The following MYRF variants were observed in gnomAD, a reference collection of about 807,000 sequenced individuals.
The protein encoded by MYRF is myelin gene regulatory factor.
In MYRF, 16 loss-of-function variants were observed where a neutral mutation model predicts 126.3. The ratio of observed to expected loss-of-function variants is 0.13; its 90% CI spans 0.09 to 0.19. The LOEUF (loss-of-function observed/expected upper bound fraction) is 0.19. Among genes scored for constraint, MYRF ranks in the 10% least tolerant of loss-of-function variants. The probability of loss-of-function intolerance (pLI) is 1.00; values close to 1 mark genes in which losing one functional copy is unlikely to be tolerated. For synonymous variants in MYRF, 608 were observed against 635.3 expected, an observed-to-expected ratio of 0.96 and a Z score of 0.65; for missense variants, 1,104 against 1,547.0, an observed-to-expected ratio of 0.71 and a Z score of 4.80.
intron 5 of MYRF, among the ~76,000 whole-genome samples, chr11:61,771,072 C>T (rs1399560649): frequency 6.6e-6 from 1 of 152,224 alleles, no homozygotes; most frequent in Non-Finnish European, 1.5e-5. Flanking sequence ...AGCTCCCCTT[C>T]CCTGGTTTTT....
rs1591132041 is a variant in MYRF, at chr11:61,783,194, GC to G, written c.3017-303del. The stretch of plus-strand genomic sequence containing the variant: ...GAACCCAGAACTGGGAGAGATGCCC[GC>G]AGTCAGGAACACAGGCCTCGAGCGG... On this transcript the variant is annotated intron_variant, in intron 22 of 26. Transcript: ENST00000278836. This position sits in a 1 kb window ranked among gnomAD's most constrained non-coding sequence, Gnocchi z 4.6. 1.5e-5 allele frequency: 4 copies of G among 263,240 alleles called. No homozygotes were observed. The East Asian group carries it at 3.2e-4, about 21-fold the overall frequency. The allele number at this position is 263,240 out of a possible 1,614,324, so 16.3% of individuals were successfully genotyped here. A position where few individuals can be genotyped will look rare whatever the true frequency, so the allele number is the denominator to read the frequency against.
At chr11:61,763,349 T>G (rs1180792347) in intron 1 of MYRF, among the ~76,000 whole-genome samples, 1 of 152,164 alleles carries the variant, frequency 6.6e-6, no homozygotes, top group Non-Finnish European at 1.5e-5. Context: ...ATAAAGCACT[T>G]AGAATCGTCC....
At chr11:61,769,414 A>G in intron 4 of MYRF, 93 bp downstream of exon 4, 1 of 938,460 alleles carries the variant, frequency 1.1e-6, no homozygotes, top group Non-Finnish European at 1.7e-6. Flanking sequence ...GGAGGGGGCC[A>G]GCGGCTGCCC....
At position 61,766,208 on chromosome 11, in the gene MYRF, C is replaced by T. The variant is rs1391704383; in HGVS notation, c.385C>T (p.Pro129Ser). 1.9e-6 allele frequency: 3 copies of T among 1,607,706 alleles called. No homozygotes were observed. The highest frequency in any genetic ancestry group is 2.5e-6 in the Non-Finnish European group (3 of 1,178,262). ...GPPIKAEPKAPYAPGTLPDSP... is the reference protein window; with the variant it reads ...GPPIKAEPKASYAPGTLPDSP... ...CCCCATCAAGGCTGAGCCCAAGGCT[C>T]CCTATGCCCCAGGGTGAGTAAGGGC... The change falls in exon 3 of 27, where the codon CCC (proline) becomes TCC (serine). Residue 129 changes from proline to serine, a missense_variant. Coordinates refer to ENST00000278836, the MANE Select transcript of MYRF (RefSeq NM_001127392.3).
chr11:61,764,513 T>G (rs538791151), intron 1 of MYRF, among the ~76,000 whole-genome samples: 20 of 152,312 alleles, frequency 1.3e-4, no homozygotes, highest in African/African-American at 4.6e-4. Context: ...TTCCTGGACC[T>G]GTCTGAGCTC....
intron 1 of MYRF, among the ~76,000 whole-genome samples, chr11:61,758,827 A>C (rs2065830686): frequency 6.6e-6 from 1 of 152,210 alleles, no homozygotes; most frequent in East Asian, 1.9e-4. Context: ...GTAGCCCCAA[A>C]GCTGGGCACT....
At chr11:61,774,268 TA>T (rs1314117418) in intron 8 of MYRF, 106 bp downstream of exon 8, 1 of 1,055,088 alleles carries the variant, frequency 9.5e-7, no homozygotes. Context: ...CTCACGCCTG[TA>T]ATCCCAGCAC....
Position 61,781,160 on chromosome 11 carries a change from G to A in MYRF, c.2595G>A (p.Ser865=), listed in dbSNP as rs147865358. The change falls in exon 21 of 27, where the codon TCG becomes TCA. Residue 865 remains serine (S), a synonymous_variant. Coordinates refer to ENST00000278836, the MANE Select transcript of MYRF (RefSeq NM_001127392.3). ...CAGTGACCACCAGCCTCACCAGCTC[G>A]GCCCCAGGTTCTGCTGTCCGCACCT... is the stretch of plus-strand genomic sequence containing the variant. The part of the protein sequence containing the change: ...LLLVTTSLTS[S]APGSAVRTLD... 3.3e-4 allele frequency: 540 copies of A among 1,613,678 alleles called. 2 individuals carry two copies. In the Middle Eastern group the frequency reaches 7.9e-3, roughly 24 times the overall value.
chr11:61,786,194 C>A lies in MYRF; in HGVS notation c.*51C>A. ...CCAGGGACCAGGGGTGCCCAGGCAC[C>A]CCCCAACACTGGATGCAATGGTGTT... On this transcript the variant is annotated 3_prime_UTR_variant, in exon 27 of 27. Coordinates refer to ENST00000278836, the MANE Select transcript of MYRF (RefSeq NM_001127392.3). This position sits in a 1 kb window ranked among gnomAD's most constrained non-coding sequence, Gnocchi z 4.5. 6.4e-7 allele frequency: 1 copy of A among 1,550,758 alleles called. No homozygotes were observed. The highest frequency in any genetic ancestry group is 8.9e-7 in the Non-Finnish European group (1 of 1,123,620).
chr11:61,781,179 C>T lies in MYRF; in HGVS notation c.2614C>T (p.Arg872Cys), dbSNP rs777036855. The change falls in exon 21 of 27, where the codon CGC becomes TGC. Residue 872 changes from arginine to cysteine, a missense_variant. This residue lies in a region of MYRF where 323 missense variants were observed against 383.1 expected (regional missense o/e 0.84). Coordinates refer to ENST00000278836, the MANE Select transcript of MYRF (RefSeq NM_001127392.3). ...LTSSAPGSAV[R>C]TLDMCSSHPC... ...CAGCTCGGCCCCAGGTTCTGCTGTC[C>T]GCACCTTGGACATGTGTTCCAGCCA... 1.9e-6 allele frequency: 3 copies of T among 1,613,946 alleles called. No homozygotes were observed. Among genetic ancestry groups the T allele is most frequent in the South Asian group, 1.1e-5 (1 of 91,082 alleles).
Position 61,780,265 on chromosome 11 carries a change from G to A in MYRF, c.2380G>A (p.Glu794Lys). ...STLYVLSLRT[E>K]EDLVDTDGSF... ...ACTGTACGTGCTGAGCCTGCGCACA[G>A]AGGAGGACCTGGTAGACACTGATGG... The change falls in exon 18 of 27, where the codon GAG (glutamate) becomes AAG (lysine). Residue 794 changes from glutamate to lysine, a missense_variant. Physicochemically the swap from Glu to Lys is moderately conservative, Grantham distance 56 (BLOSUM62 1). Around this residue, in one of 10 missense-constraint regions of MYRF, gnomAD observed 323 missense variants for 383.1 expected, o/e 0.84. Transcript: ENST00000278836. 1 of 1,613,904 alleles carries A rather than the reference G, an allele frequency of 6.2e-7. No homozygotes were observed.
Position 61,771,991 on chromosome 11 carries a change from C to T in MYRF, c.1115+39C>T, listed in dbSNP as rs768638426. 1.7e-5 allele frequency: 27 copies of T among 1,610,248 alleles called. No individual in the cohort carries two copies. The Admixed American group carries it at 3.7e-4, about 22-fold the overall frequency. ...AACACTCCCCACTCCTCCAGGCCCC[C>T]CCACCTTGGGACGCCCCAGCCCAGG... On this transcript the variant is annotated intron_variant, in intron 7 of 26. Transcript: ENST00000278836.
intron 8 of MYRF, 66 bp from the exon 9 acceptor site, chr11:61,775,990 G>C (rs2066371346): frequency 6.7e-7 from 1 of 1,492,720 alleles, no homozygotes; most frequent in Non-Finnish European, 9.3e-7. Flanking sequence ...TGGCTGAGAG[G>C]GGGCAGGAGG....
chr11:61,752,867 C>T lies in MYRF; in HGVS notation c.46+77C>T, dbSNP rs564846552. 1.5e-4 allele frequency: 204 copies of T among 1,336,716 alleles called. 4 individuals are homozygous for T. In the African/African-American group the frequency reaches 2.7e-3, roughly 18 times the overall value. The allele number at this position is 1,336,716 out of a possible 1,614,324, so 82.8% of individuals were successfully genotyped here. ...GCTGATCTCCCCGGGAACTGGGGCT[C>T]CTCGCTGTGTTTCCGCCTCCTCTGG... On this transcript the variant is annotated intron_variant, in intron 1 of 26. Transcript: ENST00000278836.
chr11:61,770,582 TGGGCAGGGCGGC>T (rs2066191775), intron 5 of MYRF, 57 bp downstream of exon 5: 3 of 1,277,386 alleles, frequency 2.3e-6, no homozygotes, highest in Non-Finnish European at 3.2e-6. Context: ...GGGACCAGGG[TGGGCAGGGCGGC>T]GGGCAGGCCA....
chr11:61,765,761 G>C, intron 2 of MYRF, 49 bp downstream of exon 2: 1 of 1,553,616 alleles, frequency 6.4e-7, no homozygotes, highest in Non-Finnish European at 8.8e-7. Context: ...CCAGCCCTTC[G>C]CCTCCCTTCT....
At chr11:61,753,615 C>T (rs912902257) in intron 1 of MYRF, among the ~76,000 whole-genome samples, 1 of 151,712 alleles carries the variant, frequency 6.6e-6, no homozygotes, top group African/African-American at 2.4e-5. Context: ...GGAGCTGTGC[C>T]TCTCTGACCT....
Position 61,783,182 on chromosome 11 carries a change from G to A in MYRF, c.3017-316G>A. 1 of 253,526 alleles carries A rather than the reference G, an allele frequency of 3.9e-6. No homozygotes were observed. Among genetic ancestry groups the A allele is most frequent in the Non-Finnish European group, 7.7e-6 (1 of 129,134 alleles). The allele number at this position is 253,526 out of a possible 1,614,324, so 15.7% of individuals were successfully genotyped here. ...ACTGATGTTTCTGAACCCAGAACTG[G>A]GAGAGATGCCCGCAGTCAGGAACAC... is the stretch of plus-strand genomic sequence containing the variant. On this transcript the variant is annotated intron_variant, in intron 22 of 26. Coordinates refer to ENST00000278836, the MANE Select transcript of MYRF (RefSeq NM_001127392.3). The surrounding 1 kb of genome is among the most constrained non-coding windows in gnomAD (Gnocchi z 4.6).
rs748617159 is a variant in MYRF, at chr11:61,755,431, G to A, written c.46+2641G>A. On this transcript the variant is annotated intron_variant, in intron 1 of 26. Coordinates refer to ENST00000278836, the MANE Select transcript of MYRF (RefSeq NM_001127392.3). Reference sequence around the variant, plus strand: ...GGGGACCCACCGGGCAGGATGCACTGGCTTCCAGCAGGTAACCGGGCCATG... The same window carrying A: ...GGGGACCCACCGGGCAGGATGCACTAGCTTCCAGCAGGTAACCGGGCCATG... 5.0e-6 allele frequency: 8 copies of A among 1,610,418 alleles called. No individual in the cohort carries two copies. In the African/African-American group the frequency reaches 9.4e-5, roughly 19 times the overall value.
Sources: allele counts gnomAD v4.1 joint callset (sites outside exome capture counted in the v4.1 genomes callset), GRCh38; gene constraint gnomAD v4.1.1; regional missense constraint gnomAD v4.1.1; non-coding constraint Gnocchi (gnomAD v3.1); transcripts MANE v1.5; gene names NCBI Gene and HGNC (gene_info 2026-07-23, HGNC 2026-07-21).